Variants in GPC5 observed in about 807,000 individuals in gnomAD.
GPC5 encodes the protein glypican-5.
GPC5 carries 47 observed loss-of-function variants against 53.9 expected under a neutral mutation model. The observed-to-expected ratio is 0.87, with a 90% CI of 0.69 to 1.11. GPC5 has a LOEUF of 1.11. GPC5 is among the 50% of genes most tolerant of loss of function. The pLI, the probability that GPC5 is intolerant of heterozygous loss-of-function variation, is 0.00. For missense variants in GPC5, 748 were observed against 713.1 expected (o/e 1.05, Z -0.56); for synonymous variants, 286 against 263.3 (o/e 1.09, Z -0.84).
At chr13:92,307,326 C>T (rs1032824684) in intron 7 of GPC5, among the ~76,000 whole-genome samples, 7 of 152,098 alleles carry the variant, frequency 4.6e-5, no homozygotes, top group African/African-American at 1.4e-4. Context: ...TGGTAGCAGG[C>T]GTCTGTAATC....
At chr13:92,794,564 T>C (rs578180820) in intron 7 of GPC5, among the ~76,000 whole-genome samples, 1 of 152,230 alleles carries the variant, frequency 6.6e-6, no homozygotes, top group South Asian at 2.1e-4. Context: ...AAATAAAGTG[T>C]ATTCCCTTAG....
At chr13:91,516,590 T>A (rs1885511991) in intron 2 of GPC5, among the ~76,000 whole-genome samples, 1 of 152,152 alleles carries the variant, frequency 6.6e-6, no homozygotes, top group Non-Finnish European at 1.5e-5. Flanking sequence ...AGGTGCAAGT[T>A]GCAAGCTTTT....
chr13:92,684,029 G>A (rs575703972), intron 7 of GPC5, among the ~76,000 whole-genome samples: 1 of 152,166 alleles, frequency 6.6e-6, no homozygotes, highest in East Asian at 1.9e-4. Flanking sequence ...CAGAATAATA[G>A]TTTAACTGCC....
intron 6 of GPC5, among the ~76,000 whole-genome samples, chr13:91,924,356 G>T (rs1184292799): frequency 3.3e-5 from 5 of 152,018 alleles, no homozygotes; most frequent in African/African-American, 4.8e-5. Context: ...TCACAGATTC[G>T]CTCATAATAG....
chr13:91,910,746 A>T (rs555255852), intron 6 of GPC5, among the ~76,000 whole-genome samples: 1 of 152,324 alleles, frequency 6.6e-6, no homozygotes, highest in Admixed American at 6.5e-5. Context: ...AATTCATTCA[A>T]AATACTCAAA....
chr13:92,137,060 T>G (rs887472675), intron 6 of GPC5, among the ~76,000 whole-genome samples: 4 of 143,456 alleles, frequency 2.8e-5, no homozygotes, highest in Non-Finnish European at 6.0e-5. Context: ...CCGAAAGTTG[T>G]TTTTTTTTTT....
At chr13:91,663,348 A>G (rs952436146) in intron 2 of GPC5, among the ~76,000 whole-genome samples, 5 of 152,214 alleles carry the variant, frequency 3.3e-5, no homozygotes, top group Admixed American at 3.3e-4. Context: ...ATACCAATAT[A>G]TGCTTGTCCA....
chr13:91,693,953 A>G (rs2035824317), intron 3 of GPC5, 72 bp downstream of exon 3: 9 of 1,129,452 alleles, frequency 8.0e-6, no homozygotes, highest in Non-Finnish European at 1.1e-5. Flanking sequence ...ACTTTAGGAA[A>G]TAGTAGGAGA....
intron 7 of GPC5, among the ~76,000 whole-genome samples, chr13:92,237,870 T>A (rs1458129638): frequency 6.6e-6 from 1 of 152,122 alleles, no homozygotes; most frequent in East Asian, 1.9e-4. Context: ...CTTTCTGTCT[T>A]AATAGATCTG....
chr13:91,693,912 C>T (rs1443196022), intron 3 of GPC5, 31 bp downstream of exon 3: 1 of 1,499,714 alleles, frequency 6.7e-7, no homozygotes, highest in South Asian at 1.2e-5. Flanking sequence ...TTCAGTCTGA[C>T]TTCTTGTAAT....
chr13:92,346,959 C>G (rs144996092), intron 7 of GPC5, among the ~76,000 whole-genome samples: 67 of 152,008 alleles, frequency 4.4e-4, no homozygotes, highest in Non-Finnish European at 8.4e-4. Context: ...AATCAGTGAG[C>G]TGGAAAACAA....
intron 6 of GPC5, among the ~76,000 whole-genome samples, chr13:92,118,074 G>A (rs2041615113): frequency 6.6e-6 from 1 of 152,140 alleles, no homozygotes; most frequent in East Asian, 1.9e-4. Flanking sequence ...TTTAGTGGCA[G>A]TTTTGGTTTT....
At chr13:91,604,107 A>T (rs1182433691) in intron 2 of GPC5, among the ~76,000 whole-genome samples, 6 of 90,318 alleles carry the variant, frequency 6.6e-5, no homozygotes, top group Non-Finnish European at 9.2e-5. Flanking sequence ...CCCCCCTCCC[A>T]CCACACCACA....
Position 92,159,593 on chromosome 13 carries a change from C to CTTTTTTTTTTTT in GPC5, c.1561+14620_1561+14631dup, listed in dbSNP as rs71120074. Among the ~76,000 whole-genome samples, 26 of 57,214 alleles carry CTTTTTTTTTTTT rather than the reference C, an allele frequency of 4.5e-4. 6 individuals are homozygous for CTTTTTTTTTTTT. The highest frequency in any genetic ancestry group is 7.0e-4 in the Admixed American group (3 of 4,308). 37.5% of individuals were successfully genotyped at this position (57,214 alleles called of 152,430 possible). ...CTATGTAATCACTAATACCAATGTT[C>CTTTTTTTTTTTT]TTTTTTTTTTTTTTTTTTTTTTTTT... is the stretch of plus-strand genomic sequence containing the variant. On this transcript the variant is annotated intron_variant, in intron 7 of 7. Transcript: ENST00000377067.
chr13:92,612,700 T>A (rs1332504780), intron 7 of GPC5, among the ~76,000 whole-genome samples: 1 of 152,056 alleles, frequency 6.6e-6, no homozygotes, highest in Non-Finnish European at 1.5e-5. Flanking sequence ...GTGCATTCAT[T>A]CTCCCAACAG....
chr13:92,313,089 T>A (rs2043156354), intron 7 of GPC5, among the ~76,000 whole-genome samples: 1 of 152,176 alleles, frequency 6.6e-6, no homozygotes, highest in African/African-American at 2.4e-5. Context: ...GAGTGAGTTT[T>A]CTAAATAACA....
intron 7 of GPC5, among the ~76,000 whole-genome samples, chr13:92,847,698 C>T (rs1389823934): frequency 6.6e-6 from 1 of 151,816 alleles, no homozygotes; most frequent in Non-Finnish European, 1.5e-5. Context: ...ACTGATACAC[C>T]CTGTCTTTGT....
At chr13:91,873,135 G>GA (rs2039165424) in intron 5 of GPC5, among the ~76,000 whole-genome samples, 1 of 152,138 alleles carries the variant, frequency 6.6e-6, no homozygotes. Flanking sequence ...AATTGCCATA[G>GA]AAAATCTAGA....
intron 6 of GPC5, among the ~76,000 whole-genome samples, chr13:92,103,042 T>C (rs573982091): frequency 9.2e-5 from 14 of 152,146 alleles, no homozygotes; most frequent in Non-Finnish European, 1.6e-4. Context: ...TCTTCAGTTT[T>C]TGTAGAGACA....
Sources: gnomAD v4.1 joint callset for allele counts (sites outside exome capture counted in the v4.1 genomes callset) on GRCh38, gnomAD v4.1.1 for gene constraint, MANE v1.5 for transcripts, NCBI Gene and HGNC (gene_info 2026-07-23, HGNC 2026-07-21) for gene names.